NFIB: variants seen among roughly 807,000 people sequenced by gnomAD.
The protein encoded by NFIB is nuclear factor 1 B-type.
A neutral mutation model predicts 61.5 loss-of-function variants in NFIB; 11 were observed. The observed-to-expected ratio is 0.18, with a 90% CI of 0.11 to 0.30. NFIB has a LOEUF of 0.30. NFIB is among the 10% of genes least tolerant of loss of function. NFIB has a pLI of 1.00. For synonymous variants in NFIB, 260 were observed against 216.5 expected, an observed-to-expected ratio of 1.20 and a Z score of -1.76; for missense variants, 471 against 608.9, an observed-to-expected ratio of 0.77 and a Z score of 2.38.
At chr9:14,100,604 G>C (rs1211593320) in intron 10 of NFIB, among the ~76,000 whole-genome samples, 1 of 152,168 alleles carries the variant, frequency 6.6e-6, no homozygotes, top group East Asian at 1.9e-4. Flanking sequence ...CAGCTACGGA[G>C]GGGGCTGAGG....
intron 10 of NFIB, among the ~76,000 whole-genome samples, chr9:14,097,846 C>A (rs543100853): frequency 3.5e-5 from 5 of 143,104 alleles, no homozygotes; most frequent in East Asian, 2.0e-4. Context: ...ATTACCCCCC[C>A]ACACTTTTTT....
chr9:14,440,663 C>T, the NFIB span, among the ~76,000 whole-genome samples: 1 of 152,160 alleles, frequency 6.6e-6, no homozygotes, highest in African/African-American at 2.4e-5. Flanking sequence ...ATACTATTTG[C>T]ATCCCCTGAT....
intron 2 of NFIB, among the ~76,000 whole-genome samples, chr9:14,195,781 G>T (rs1169064121): frequency 1.3e-5 from 2 of 152,012 alleles, no homozygotes; most frequent in African/African-American, 4.8e-5. Context: ...GGCATTAAGG[G>T]TATGTATGTC....
At chr9:14,249,301 T>C (rs778841611) in intron 2 of NFIB, among the ~76,000 whole-genome samples, 3 of 152,240 alleles carry the variant, frequency 2.0e-5, no homozygotes, top group South Asian at 2.1e-4. Flanking sequence ...CAAGTTTAAA[T>C]AGTAAGTGGT....
chr9:14,285,110 A>T (rs1184395566), intron 2 of NFIB, among the ~76,000 whole-genome samples: 1 of 152,216 alleles, frequency 6.6e-6, no homozygotes, highest in Non-Finnish European at 1.5e-5. Context: ...TTAAAGATAA[A>T]ACAAATGATT....
intron 2 of NFIB, among the ~76,000 whole-genome samples, chr9:14,227,801 C>T (rs556535193): frequency 9.2e-5 from 14 of 152,234 alleles, no homozygotes; most frequent in Middle Eastern, 3.4e-3. Flanking sequence ...GGTTTAATAA[C>T]GTGCCCAAGT....
chr9:14,335,541 T>C (rs1564015256), intron 1 of NFIB, among the ~76,000 whole-genome samples: 1 of 152,222 alleles, frequency 6.6e-6, no homozygotes, highest in African/African-American at 2.4e-5. Context: ...ATTGGGTTGT[T>C]TGTTTTCTTA....
intron 2 of NFIB, among the ~76,000 whole-genome samples, chr9:14,249,501 T>C (rs1226765789): frequency 6.6e-6 from 1 of 152,202 alleles, no homozygotes; most frequent in Admixed American, 6.5e-5. Context: ...CGTCTCACTG[T>C]TGCCTAGGCT....
intron 1 of NFIB, among the ~76,000 whole-genome samples, chr9:14,351,430 C>T (rs1204973931): frequency 6.6e-6 from 1 of 152,140 alleles, no homozygotes; most frequent in African/African-American, 2.4e-5. Flanking sequence ...GCCAGGGATG[C>T]CTGGACCTTG....
intron 4 of NFIB, among the ~76,000 whole-genome samples, chr9:14,152,154 A>G (rs1163237009): frequency 6.6e-6 from 1 of 152,144 alleles, no homozygotes; most frequent in African/African-American, 2.4e-5. Flanking sequence ...ATACATCAGT[A>G]TATACATGAC....
Position 14,147,636 on chromosome 9 carries a change from CT to C in NFIB, c.807-830del, listed in dbSNP as rs34256054. ...CCAAATTCAAACTTTTAAAATGATA[CT>C]TTTTTTTTTTTTTTTTTTTTGAGAC... On this transcript the variant is annotated intron_variant, in intron 5 of 10. Transcript: ENST00000380953. Among the ~76,000 whole-genome samples, 543 of 108,624 alleles carry C rather than the reference CT, an allele frequency of 5.0e-3. 1 individual carries two copies. The highest frequency in any genetic ancestry group is 0.029 in the Middle Eastern group (4 of 140). 71.3% of individuals were successfully genotyped at this position (108,624 alleles called of 152,430 possible). A position where few individuals can be genotyped will look rare whatever the true frequency, so the allele number is the denominator to read the frequency against.
At chr9:14,346,501 T>C (rs990817944) in intron 1 of NFIB, among the ~76,000 whole-genome samples, 7 of 151,984 alleles carry the variant, frequency 4.6e-5, no homozygotes, top group African/African-American at 1.7e-4. Flanking sequence ...CCGCCCAGCG[T>C]CCCCAGGCCC....
intron 5 of NFIB, among the ~76,000 whole-genome samples, chr9:14,147,247 G>A (rs2382442): frequency 1 from 151,527 of 152,276 alleles, 75,397 homozygotes; most frequent in Middle Eastern, 1. Context: ...AGAGCTTTGG[G>A]GTCAAGACAG....
the NFIB span, among the ~76,000 whole-genome samples, chr9:14,442,086 A>G: frequency 6.6e-6 from 1 of 152,158 alleles, no homozygotes; most frequent in Non-Finnish European, 1.5e-5. Context: ...AGAGTTGGTG[A>G]AGGAGCTTGC....
intron 2 of NFIB, among the ~76,000 whole-genome samples, chr9:14,183,535 C>G (rs2047030242): frequency 6.6e-6 from 1 of 151,922 alleles, no homozygotes; most frequent in South Asian, 2.1e-4. Flanking sequence ...TCCCGAGTAG[C>G]TAGGACTACA....
the NFIB span, among the ~76,000 whole-genome samples, chr9:14,531,191 A>G: frequency 6.6e-6 from 1 of 152,122 alleles, no homozygotes; most frequent in Non-Finnish European, 1.5e-5. Flanking sequence ...TCCCAATATT[A>G]TGTTAAAAGT....
intron 6 of NFIB, 90 bp downstream of exon 6, chr9:14,146,599 G>A: frequency 6.5e-7 from 1 of 1,546,454 alleles, no homozygotes; most frequent in Non-Finnish European, 8.9e-7. Context: ...AATCCATATT[G>A]GTTTAATTAT....
chr9:14,423,536 G>C, the NFIB span, among the ~76,000 whole-genome samples: 3 of 152,126 alleles, frequency 2.0e-5, no homozygotes, highest in Non-Finnish European at 4.4e-5. Context: ...AGAAAAGTTC[G>C]AAGAGGTAAA....
At chr9:14,275,859 A>T (rs1563966731) in intron 2 of NFIB, among the ~76,000 whole-genome samples, 1 of 151,972 alleles carries the variant, frequency 6.6e-6, no homozygotes, top group Non-Finnish European at 1.5e-5. Flanking sequence ...ACCATAATCT[A>T]TCTAATCCTA....
Sources: gnomAD v4.1 joint callset for allele counts (sites outside exome capture counted in the v4.1 genomes callset) on GRCh38, gnomAD v4.1.1 for gene constraint, MANE v1.5 for transcripts, NCBI Gene and HGNC (gene_info 2026-07-23, HGNC 2026-07-21) for gene names.